The following PPP4R4 variants were observed in gnomAD, a reference collection of about 807,000 sequenced individuals.
The protein encoded by PPP4R4 is protein phosphatase 4 regulatory subunit 4, also known as serine/threonine-protein phosphatase 4 regulatory subunit 4.
A neutral mutation model predicts 121.8 loss-of-function variants in PPP4R4; 70 were observed. The ratio of observed to expected loss-of-function variants is 0.57; its 90% CI spans 0.47 to 0.70. The LOEUF (loss-of-function observed/expected upper bound fraction) is 0.70. PPP4R4 is among the 30% of genes least tolerant of loss of function. PPP4R4 has a pLI of 0.00. For missense variants in PPP4R4, 875 were observed against 1,033.6 expected, an observed-to-expected ratio of 0.85 and a Z score of 2.10; for synonymous variants, 348 against 355.7, an observed-to-expected ratio of 0.98 and a Z score of 0.24.
At chr14:94,197,991 TATAA>T (rs2139421661) in intron 2 of PPP4R4, among the ~76,000 whole-genome samples, 1 of 152,350 alleles carries the variant, frequency 6.6e-6, no homozygotes, top group South Asian at 2.1e-4. Flanking sequence ...ACAAAGCTGC[TATAA>T]ATATTTACAT....
In PPP4R4 at chr14:94,191,138, C is replaced by T. The variant is rs1354287908; in HGVS notation, c.191+15011C>T. On this transcript the variant is annotated intron_variant, in intron 2 of 24. Coordinates refer to ENST00000304338, the MANE Select transcript of PPP4R4 (RefSeq NM_058237.2). Reference sequence around the variant, plus strand: ...TATTAATGCCACAGGTGTACTTGCACCTTAATAAGTTCTTTTCACTCCAGA... The same window carrying T: ...TATTAATGCCACAGGTGTACTTGCATCTTAATAAGTTCTTTTCACTCCAGA... Among the ~76,000 whole-genome samples the T allele has an allele frequency of 2.6e-5, 4 of 152,088 alleles. No individual in the cohort carries two copies. The East Asian group carries it at 7.7e-4, about 29-fold the overall frequency.
chr14:94,190,578 G>T (rs962747899), intron 2 of PPP4R4, among the ~76,000 whole-genome samples: 18 of 152,180 alleles, frequency 1.2e-4, no homozygotes, highest in African/African-American at 4.3e-4. Context: ...TTAAGCCTGG[G>T]CGATGCAGGG....
At chr14:94,258,084 A>G in intron 17 of PPP4R4, among the ~76,000 whole-genome samples, 1 of 152,170 alleles carries the variant, frequency 6.6e-6, no homozygotes, top group Non-Finnish European at 1.5e-5. Context: ...CTTTCATGGC[A>G]TGCATTATGA....
intron 2 of PPP4R4, among the ~76,000 whole-genome samples, chr14:94,192,459 A>G (rs1421550050): frequency 6.6e-6 from 1 of 152,186 alleles, no homozygotes; most frequent in Non-Finnish European, 1.5e-5. Flanking sequence ...AAACTGTTTA[A>G]TAATTTAATT....
At chr14:94,194,767 C>G (rs1889779119) in intron 2 of PPP4R4, among the ~76,000 whole-genome samples, 1 of 152,094 alleles carries the variant, frequency 6.6e-6, no homozygotes, top group Non-Finnish European at 1.5e-5. Flanking sequence ...CCACACCGGG[C>G]AATACTTGGT....
In PPP4R4 at chr14:94,256,317, G is replaced by A. The variant is rs559868681; in HGVS notation, c.1866-143G>A. On this transcript the variant is annotated intron_variant, in intron 16 of 24. Coordinates refer to ENST00000304338, the MANE Select transcript of PPP4R4 (RefSeq NM_058237.2). ...TATCTCAGCATCCAGAATGATGAATGTTTGACACATAATAGACACTCCATG... is the reference window on the plus strand; with the variant it reads ...TATCTCAGCATCCAGAATGATGAATATTTGACACATAATAGACACTCCATG... 6 of 611,450 alleles carry A rather than the reference G, an allele frequency of 9.8e-6. No homozygotes were observed. In the South Asian group the frequency reaches 1.8e-4, roughly 19 times the overall value. 37.9% of individuals were successfully genotyped at this position (611,450 alleles called of 1,614,324 possible). A position where few individuals can be genotyped will look rare whatever the true frequency, so the allele number is the denominator to read the frequency against.
intron 24 of PPP4R4, 110 bp from the exon 25 acceptor site, chr14:94,278,509 C>A: frequency 3.6e-6 from 2 of 561,438 alleles, no homozygotes; most frequent in Non-Finnish European, 5.9e-6. Flanking sequence ...TTTTAATTTA[C>A]TTTGTACACA....
intron 16 of PPP4R4, among the ~76,000 whole-genome samples, chr14:94,253,321 G>T (rs1260827678): frequency 6.6e-6 from 1 of 152,108 alleles, no homozygotes; most frequent in Non-Finnish European, 1.5e-5. Context: ...TGAGCCGGTC[G>T]TGGTGGCACA....
chr14:94,250,145 ACTGT>A (rs1354118261), intron 14 of PPP4R4, 23 bp from the exon 15 acceptor site: 1 of 1,453,488 alleles, frequency 6.9e-7, no homozygotes, highest in Non-Finnish European at 9.7e-7. Context: ...GCCTAGTGTA[ACTGT>A]CTGTCTTACT....
chr14:94,209,672 G>A lies in PPP4R4; in HGVS notation c.294+1106G>A, dbSNP rs114182357. Among the ~76,000 whole-genome samples the A allele has an allele frequency of 6.4e-3, 977 of 152,042 alleles. 15 individuals carry two copies. The highest frequency in any genetic ancestry group is 0.022 in the African/African-American group (932 of 41,502). ...CCACACAGACCAGGTTTATTTTTAC[G>A]TTCAATTTCAGTGATACTAACTGAC... On this transcript the variant is annotated intron_variant, in intron 3 of 24. Transcript: ENST00000304338.
chr14:94,220,440 G>A (rs1447139487), intron 3 of PPP4R4, among the ~76,000 whole-genome samples: 1 of 151,904 alleles, frequency 6.6e-6, no homozygotes, highest in Admixed American at 6.6e-5. Context: ...CATTCACATT[G>A]CAGAGAAAGA....
chr14:94,240,131 G>A (rs1220260961), intron 8 of PPP4R4, among the ~76,000 whole-genome samples: 1 of 152,094 alleles, frequency 6.6e-6, no homozygotes, highest in Non-Finnish European at 1.5e-5. Context: ...TATGACCTAA[G>A]CAGATGTACT....
In PPP4R4 at chr14:94,249,518, C is replaced by T. The variant is rs572884171; in HGVS notation, c.1612-654C>T. Among the ~76,000 whole-genome samples the T allele has an allele frequency of 8.0e-4, 122 of 151,914 alleles. 1 individual carries two copies. The highest frequency in any genetic ancestry group is 1.1e-3 in the African/African-American group (45 of 41,388). On this transcript the variant is annotated intron_variant, in intron 14 of 24. Coordinates refer to ENST00000304338, the MANE Select transcript of PPP4R4 (RefSeq NM_058237.2). ...ACATGAATTTATACTGGACACAATA[C>T]GTCTGGTTGAGAGATTTTTCTCTAA...
At chr14:94,177,080 A>T (rs1187878689) in intron 2 of PPP4R4, among the ~76,000 whole-genome samples, 1 of 152,192 alleles carries the variant, frequency 6.6e-6, no homozygotes, top group Non-Finnish European at 1.5e-5. Flanking sequence ...CTGTAAAAAA[A>T]AAAAATCCCT....
intron 21 of PPP4R4, 139 bp downstream of exon 21, chr14:94,265,612 G>A (rs1595543369): frequency 2.3e-6 from 2 of 866,110 alleles, no homozygotes; most frequent in Non-Finnish European, 3.6e-6. Flanking sequence ...CTATCATTAG[G>A]TGTTTTGGTA....
At chr14:94,238,452 T>C (rs1383275069) in intron 8 of PPP4R4, among the ~76,000 whole-genome samples, 2 of 152,240 alleles carry the variant, frequency 1.3e-5, no homozygotes, top group African/African-American at 4.8e-5. Flanking sequence ...TCCTGAGACA[T>C]TGTCTACATG....
rs971739892 is a variant in PPP4R4, at chr14:94,246,651, C to T, written c.1611+112C>T. On this transcript the variant is annotated intron_variant, in intron 14 of 24. Coordinates refer to ENST00000304338, the MANE Select transcript of PPP4R4 (RefSeq NM_058237.2). Reference sequence around the variant, plus strand: ...AACAAACTCAGTTCATTCCATTCTACCTAGGAGGATGTCAGCTTCGTAGGT... The same window carrying T: ...AACAAACTCAGTTCATTCCATTCTATCTAGGAGGATGTCAGCTTCGTAGGT... The T allele has an allele frequency of 3.2e-5, 39 of 1,204,362 alleles. No homozygotes were observed. The African/African-American group carries it at 6.0e-4, about 19-fold the overall frequency. The allele number at this position is 1,204,362 out of a possible 1,614,324, so 74.6% of individuals were successfully genotyped here.
At chr14:94,236,417 T>C (rs777908105) in intron 7 of PPP4R4, among the ~76,000 whole-genome samples, 5 of 152,234 alleles carry the variant, frequency 3.3e-5, no homozygotes, top group South Asian at 2.1e-4. Context: ...TTATGAACTT[T>C]GGATTTGTTC....
intron 2 of PPP4R4, among the ~76,000 whole-genome samples, chr14:94,179,891 A>T (rs991811813): frequency 6.6e-6 from 1 of 152,248 alleles, no homozygotes; most frequent in Non-Finnish European, 1.5e-5. Context: ...ATATAAATAT[A>T]TGCCTCTTAA....
Sources: allele counts gnomAD v4.1 joint callset (sites outside exome capture counted in the v4.1 genomes callset), GRCh38; gene constraint gnomAD v4.1.1; transcripts MANE v1.5; gene names NCBI Gene and HGNC (gene_info 2026-07-23, HGNC 2026-07-21).